The following KCNIP4 variants were observed in gnomAD, a reference collection of about 807,000 sequenced individuals.
KCNIP4 encodes the protein potassium voltage-gated channel interacting protein 4.
A neutral mutation model predicts 34.0 loss-of-function variants in KCNIP4; 12 were observed. The ratio of observed to expected loss-of-function variants is 0.35; its 90% confidence interval spans 0.23 to 0.57. The LOEUF is 0.57. Among genes scored for constraint, KCNIP4 ranks in the 20% least tolerant of loss-of-function variants. The pLI, the probability that KCNIP4 is intolerant of heterozygous loss-of-function variation, is 0.83. For missense variants in KCNIP4, 238 were observed against 311.7 expected (o/e 0.76, Z 1.78); for synonymous variants, 124 against 102.2 (o/e 1.21, Z -1.29).
At chr4:20,977,148 A>G (rs1735571181) in intron 1 of KCNIP4, among the ~76,000 whole-genome samples, 1 of 152,126 alleles carries the variant, frequency 6.6e-6, no homozygotes. Flanking sequence ...TGAACTTTAA[A>G]CCACAAAATA....
At chr4:21,849,388 T>C (rs1724228129) in intron 1 of KCNIP4, 1 of 152,132 alleles carries the variant, frequency 6.6e-6, no homozygotes, top group African/African-American at 2.4e-5. Context: ...TAATGGCATC[T>C]CTTTCTATTA....
chr4:21,396,549 C>CAAAAAAA lies in KCNIP4; in HGVS notation c.62-513847_62-513841dup, dbSNP rs555585102. Among the ~76,000 whole-genome samples the CAAAAAAA allele has an allele frequency of 5.2e-3, 275 of 52,786 alleles. 17 individuals are homozygous for CAAAAAAA. The highest frequency in any genetic ancestry group is 0.015 in the African/African-American group (267 of 17,636). The allele number at this position is 52,786 out of a possible 152,430, so 34.6% of individuals were successfully genotyped here. A position where few individuals can be genotyped will look rare whatever the true frequency, so the allele number is the denominator to read the frequency against. On this transcript the variant is annotated intron_variant, in intron 1 of 8. Transcript: ENST00000382152. ...CCAGCCTGGTGACAGAGCAAGACTC[C>CAAAAAAA]AAAAAAAAAAAAAAAAAAAGAGGAT... is the stretch of plus-strand genomic sequence containing the variant.
At chr4:20,922,403 T>C (rs529121563) in intron 1 of KCNIP4, among the ~76,000 whole-genome samples, 1 of 152,254 alleles carries the variant, frequency 6.6e-6, no homozygotes, top group South Asian at 2.1e-4. Flanking sequence ...TCCCAGACAT[T>C]GTAGCGTCTG....
chr4:21,062,530 A>ATGTGTGTGTG (rs3080754), intron 1 of KCNIP4, among the ~76,000 whole-genome samples: 117 of 149,298 alleles, frequency 7.8e-4, no homozygotes, highest in South Asian at 6.2e-3. Context: ...GTGTGTGTGC[A>ATGTGTGTGTG]TGTGTGTGTG....
chr4:21,389,026 A>G (rs1336701307), intron 1 of KCNIP4, among the ~76,000 whole-genome samples: 1 of 150,994 alleles, frequency 6.6e-6, no homozygotes, highest in East Asian at 2.0e-4. Flanking sequence ...ACTCTGTTAC[A>G]CCAGCTGAAG....
chr4:21,576,809 C>T lies in KCNIP4; in HGVS notation c.61+371762G>A, dbSNP rs146022577. On this transcript the variant is annotated intron_variant, in intron 1 of 8. Transcript: ENST00000382152. ...AATATGCTAATTTCTTCAAACAGTA[C>T]ATTCAACTGAAACTTCTTAAGGTTT... is the stretch of plus-strand genomic sequence containing the variant. Among the ~76,000 whole-genome samples the T allele has an allele frequency of 1.6e-3, 244 of 152,174 alleles. 8 individuals carry two copies. In the East Asian group the frequency reaches 0.038, roughly 24 times the overall value.
At chr4:21,641,034 T>C (rs1746578459) in intron 1 of KCNIP4, among the ~76,000 whole-genome samples, 2 of 152,178 alleles carry the variant, frequency 1.3e-5, no homozygotes, top group South Asian at 4.1e-4. Context: ...CACACCAAGT[T>C]CTTCTGCAAA....
At chr4:21,189,503 G>C (rs73805058) in intron 1 of KCNIP4, among the ~76,000 whole-genome samples, 1 of 152,158 alleles carries the variant, frequency 6.6e-6, no homozygotes. Context: ...CATAAAAAAT[G>C]CTTTTCATAA....
At chr4:21,019,811 T>A (rs1365845829) in intron 1 of KCNIP4, among the ~76,000 whole-genome samples, 1 of 152,170 alleles carries the variant, frequency 6.6e-6, no homozygotes, top group African/African-American at 2.4e-5. Flanking sequence ...ATTCGCAGTA[T>A]GTCTCACAGC....
At chr4:21,884,953 C>A (rs1311320343) in intron 1 of KCNIP4, among the ~76,000 whole-genome samples, 5 of 151,720 alleles carry the variant, frequency 3.3e-5, no homozygotes, top group African/African-American at 4.8e-5. Context: ...CAGTAGCCTC[C>A]CCCCCACTAC....
At chr4:21,061,664 T>TA (rs1427825217) in intron 1 of KCNIP4, among the ~76,000 whole-genome samples, 3 of 152,196 alleles carry the variant, frequency 2.0e-5, no homozygotes, top group Non-Finnish European at 4.4e-5. Flanking sequence ...AATTCAATTG[T>TA]ATTTTAGGAC....
intron 1 of KCNIP4, among the ~76,000 whole-genome samples, chr4:21,221,176 T>TTGAA (rs1279828079): frequency 6.6e-6 from 1 of 152,184 alleles, no homozygotes; most frequent in African/African-American, 2.4e-5. Context: ...ATCCACTAGA[T>TTGAA]TGAATGAAAA....
chr4:21,058,864 G>T (rs763644276), intron 1 of KCNIP4, among the ~76,000 whole-genome samples: 13 of 152,064 alleles, frequency 8.5e-5, no homozygotes, highest in Admixed American at 7.2e-4. Context: ...GATTAAAAAT[G>T]ATATTGTTTG....
intron 1 of KCNIP4, among the ~76,000 whole-genome samples, chr4:21,618,241 A>T (rs887030771): frequency 2.0e-5 from 3 of 152,196 alleles, no homozygotes; most frequent in Non-Finnish European, 4.4e-5. Context: ...TGCTAGCAAA[A>T]AGAAAGAAAC....
chr4:21,583,871 C>T (rs1741418206), intron 1 of KCNIP4, among the ~76,000 whole-genome samples: 3 of 151,964 alleles, frequency 2.0e-5, no homozygotes, highest in Admixed American at 2.0e-4. Context: ...ATTAGAACAT[C>T]ATGTAAATAT....
At chr4:21,872,238 C>A (rs1440318988) in intron 1 of KCNIP4, among the ~76,000 whole-genome samples, 1 of 152,090 alleles carries the variant, frequency 6.6e-6, no homozygotes, top group African/African-American at 2.4e-5. Context: ...GAACAAAATT[C>A]CCTCCAACCC....
At chr4:20,882,510 A>G in intron 2 of KCNIP4, 98 bp downstream of exon 2, 1 of 808,862 alleles carries the variant, frequency 1.2e-6, no homozygotes. Flanking sequence ...GCTTTTGTAG[A>G]ATATACTGAT....
rs182151432 is a variant in KCNIP4, at chr4:21,479,217, T to A, written c.61+469354A>T. Among the ~76,000 whole-genome samples the A allele has an allele frequency of 5.3e-5, 8 of 152,298 alleles. No individual in the cohort carries two copies. The East Asian group carries it at 1.5e-3, about 29-fold the overall frequency. The stretch of plus-strand genomic sequence containing the variant: ...CTACTATCACCAACTCCTTGTACTT[T>A]AGATTGTCTAGTCTCATCCTGCTGC... On this transcript the variant is annotated intron_variant, in intron 1 of 8. Coordinates refer to ENST00000382152, the MANE Select transcript of KCNIP4 (RefSeq NM_025221.6).
intron 1 of KCNIP4, among the ~76,000 whole-genome samples, chr4:21,672,766 G>A (rs1159910433): frequency 6.6e-6 from 1 of 152,210 alleles, no homozygotes; most frequent in Admixed American, 6.5e-5. Flanking sequence ...TTGTGGGTCA[G>A]GACTTTGCGA....
Sources: allele counts gnomAD v4.1 joint callset (sites outside exome capture counted in the v4.1 genomes callset), GRCh38; gene constraint gnomAD v4.1.1; transcripts MANE v1.5; gene names NCBI Gene and HGNC (gene_info 2026-07-23, HGNC 2026-07-21).